The following AGR3 variants were observed in gnomAD, a reference collection of about 807,000 sequenced individuals.
AGR3 encodes the protein anterior gradient 3, protein disulphide isomerase family member.
A neutral mutation model predicts 24.5 loss-of-function variants in AGR3; 37 were observed. The ratio of observed to expected loss-of-function variants is 1.51; its 90% confidence interval spans 1.16 to 1.99. AGR3 has a LOEUF of 1.99. Ranked by LOEUF, AGR3 falls within the 30% of genes most tolerant of loss-of-function variation. The probability of loss-of-function intolerance (pLI) is 0.00; values close to 1 mark genes in which losing one functional copy is unlikely to be tolerated. For missense variants in AGR3, 228 were observed against 191.1 expected (o/e 1.19, Z -1.14); for synonymous variants, 75 against 61.6 (o/e 1.22, Z -1.02).
rs1750141738 is a variant in AGR3 at position 16,870,529 on chromosome 7, A to G, written c.173+3251T>C. On this transcript the variant is annotated intron_variant, in intron 3 of 7. Coordinates refer to ENST00000310398, the MANE Select transcript of AGR3 (RefSeq NM_176813.5). ...ATGTTGGTTTTTTGTTGTTGTTGCT[A>G]CTGTTGGAATGCTGTTGTTGGGATT... 4.6e-5 allele frequency among the ~76,000 whole-genome samples: 7 copies of G among 152,002 alleles called. No individual in the cohort carries two copies. The South Asian group carries it at 1.2e-3, about 27-fold the overall frequency.
downstream of AGR3, among the ~76,000 whole-genome samples, chr7:16,858,626 C>T (rs1296541136): frequency 6.6e-6 from 1 of 152,110 alleles, no homozygotes; most frequent in Non-Finnish European, 1.5e-5. Flanking sequence ...AATCCCAACA[C>T]TTTGGGAGGC....
At chr7:16,866,454 T>A in intron 3 of AGR3, 1 of 262,274 alleles carries the variant, frequency 3.8e-6, no homozygotes, top group Non-Finnish European at 7.9e-6. Context: ...AAAATGATTT[T>A]GCACATAGGT....
At chr7:16,868,748 A>G (rs1017779944) in intron 3 of AGR3, among the ~76,000 whole-genome samples, 1 of 152,180 alleles carries the variant, frequency 6.6e-6, no homozygotes, top group Non-Finnish European at 1.5e-5. Flanking sequence ...CTGGGTATAT[A>G]GAATGATTTT....
At position 16,866,096 on chromosome 7, in the gene AGR3, G is replaced by A; in HGVS notation, c.174-3434C>T. ...TTTCTAAACCATATATCTGTTCTAA[G>A]GAAGACAGATTTCCTATTTTTCTAG... On this transcript the variant is annotated intron_variant, in intron 3 of 7. Coordinates refer to ENST00000310398, the MANE Select transcript of AGR3 (RefSeq NM_176813.5). 5.2e-6 allele frequency: 3 copies of A among 582,036 alleles called. 1 individual carries two copies. The highest frequency in any genetic ancestry group is 4.6e-5 in the South Asian group (3 of 65,080). The allele number at this position is 582,036 out of a possible 1,614,324, so 36.1% of individuals were successfully genotyped here.
Position 16,860,512 on chromosome 7 carries a change from C to T in AGR3, c.439G>A (p.Asp147Asn), listed in dbSNP as rs774697965. 1.9e-6 allele frequency: 3 copies of T among 1,612,716 alleles called. No homozygotes were observed. Among genetic ancestry groups the T allele is most frequent in the Non-Finnish European group, 2.5e-6 (3 of 1,178,770 alleles). ...TGTGAATACTTACATAGGGGTAAAT[C>T]CCGAGGCTCATATGTGTACAATCTG... ...SNRLYTYEPR[D>N]LPLLIENMKK... is the part of the protein sequence containing the mutation. The change falls in exon 7 of 8, where the codon GAT becomes AAT. Residue 147 changes from aspartate to asparagine, a missense_variant. By Grantham distance (23) the Asp-to-Asn change is conservative. Transcript: ENST00000310398.
chr7:16,863,200 T>C (rs1194380240), intron 3 of AGR3, among the ~76,000 whole-genome samples: 1 of 152,230 alleles, frequency 6.6e-6, no homozygotes, highest in East Asian at 1.9e-4. Flanking sequence ...TACTCTATAG[T>C]GCAGTTAGAG....
At chr7:16,872,779 T>A (rs1037490413) in intron 3 of AGR3, among the ~76,000 whole-genome samples, 1 of 152,020 alleles carries the variant, frequency 6.6e-6, no homozygotes, top group Non-Finnish European at 1.5e-5. Context: ...TGATTTGATT[T>A]TAAAATGGGC....
Position 16,880,121 on chromosome 7 carries a change from T to C in AGR3, c.-27-1476A>G, listed in dbSNP as rs1311120993. On this transcript the variant is annotated intron_variant, in intron 1 of 7. Coordinates refer to ENST00000310398, the MANE Select transcript of AGR3 (RefSeq NM_176813.5). ...CTTCCTTCCTTCTTTCCTTCCTTCCTTCCTTCCTCTTTCTCTCTCTCTTTC... is the reference window on the plus strand; with the variant it reads ...CTTCCTTCCTTCTTTCCTTCCTTCCCTCCTTCCTCTTTCTCTCTCTCTTTC... Among the ~76,000 whole-genome samples, 5 of 147,074 alleles carry C rather than the reference T, an allele frequency of 3.4e-5. No individual in the cohort carries two copies. The East Asian group carries it at 1.0e-3, about 30-fold the overall frequency.
intron 3 of AGR3, chr7:16,864,276 A>T (rs1470317283): frequency 7.4e-7 from 1 of 1,343,874 alleles, no homozygotes; most frequent in Non-Finnish European, 1.1e-6. Flanking sequence ...ATGTCCCATC[A>T]CTCTCATAGT....
chr7:16,880,528 TCCCCTCCCC>T (rs1244595649), intron 1 of AGR3, among the ~76,000 whole-genome samples: 368 of 33,844 alleles, frequency 0.011, 5 homozygotes, highest in South Asian at 0.015. Context: ...TCCTCTCCCC[TCCCCTCCCC>T]TCCCCTCCTC....
chr7:16,860,364 A>G, intron 7 of AGR3, 136 bp downstream of exon 7: 1 of 648,644 alleles, frequency 1.5e-6, no homozygotes. Flanking sequence ...GGTGGGAGCT[A>G]GAAGTTGGCA....
At chr7:16,871,373 C>T (rs946404214) in intron 3 of AGR3, among the ~76,000 whole-genome samples, 3 of 152,148 alleles carry the variant, frequency 2.0e-5, no homozygotes, top group African/African-American at 4.8e-5. Context: ...ATACTTGTGG[C>T]ATCCTTTTGA....
chr7:16,859,078 G>C (rs1351540273), downstream of AGR3, among the ~76,000 whole-genome samples: 2 of 151,964 alleles, frequency 1.3e-5, no homozygotes, highest in Non-Finnish European at 2.9e-5. Context: ...ATGGTACAGG[G>C]GAGGAGACAG....
intron 2 of AGR3, 36 bp from the exon 3 acceptor site, chr7:16,873,879 G>C (rs750516939): frequency 9.0e-5 from 136 of 1,510,480 alleles, no homozygotes; most frequent in Non-Finnish European, 1.2e-4. Context: ...CAGTAACCCA[G>C]AACTAGAGAA....
chr7:16,869,323 A>G (rs1322370277), intron 3 of AGR3, among the ~76,000 whole-genome samples: 1 of 151,982 alleles, frequency 6.6e-6, no homozygotes, highest in Non-Finnish European at 1.5e-5. Context: ...ACATTTTTTG[A>G]TTTAAAGTCT....
intron 1 of AGR3, 74 bp downstream of exon 1, chr7:16,881,870 T>C: frequency 2.1e-6 from 1 of 465,990 alleles, no homozygotes; most frequent in East Asian, 7.0e-5. Context: ...CACTTTTAAA[T>C]AGCAAAAGGT....
intron 1 of AGR3, among the ~76,000 whole-genome samples, chr7:16,879,176 A>G (rs1236671960): frequency 6.6e-6 from 1 of 152,216 alleles, no homozygotes; most frequent in Non-Finnish European, 1.5e-5. Context: ...CAGTTCCTTT[A>G]TAGTTTCTTA....
At chr7:16,864,916 T>C (rs1781725580) in intron 3 of AGR3, 5 of 917,806 alleles carry the variant, frequency 5.4e-6, no homozygotes, top group Non-Finnish European at 7.3e-6. Flanking sequence ...CACAATATCA[T>C]CAATTTCCAT....
chr7:16,864,678 T>C, intron 3 of AGR3: 1 of 1,585,360 alleles, frequency 6.3e-7, no homozygotes, highest in Non-Finnish European at 8.7e-7. Flanking sequence ...GAAAAAGTGC[T>C]TTTGCTGCCA....
Sources: gnomAD v4.1 joint callset for allele counts (sites outside exome capture counted in the v4.1 genomes callset) on GRCh38, gnomAD v4.1.1 for gene constraint, MANE v1.5 for transcripts, NCBI Gene and HGNC (gene_info 2026-07-23, HGNC 2026-07-21) for gene names.